Variants in ZNF496 observed in about 807,000 individuals in gnomAD.
ZNF496 encodes the protein zinc finger protein 496, also known as NSD1 (nuclear receptor binding SET-domain containing 1)-interacting zinc finger protein 1.
A neutral mutation model predicts 58.9 loss-of-function variants in ZNF496; 11 were observed. The observed-to-expected ratio is 0.19, with a 90% CI of 0.12 to 0.31. The LOEUF (loss-of-function observed/expected upper bound fraction) is 0.31, where lower values mean the gene tolerates loss of function less well. Ranked by LOEUF, ZNF496 falls within the 10% of genes least tolerant of loss-of-function variation. ZNF496 has a pLI of 1.00. For synonymous variants in ZNF496, 338 were observed against 318.2 expected (o/e 1.06, Z -0.66); for missense variants, 660 against 783.0 (o/e 0.84, Z 1.88).
At position 247,331,834 on chromosome 1, in the gene ZNF496, CGCGGGA is replaced by C. The variant is rs951261425; in HGVS notation, c.-420_-415del. ...TGGCGGGCGGCGCAGGCCTGGCCGC[CGCGGGA>C]GCCCGCCGGACGCCGAGGAAAGGAA... On this transcript the variant is annotated 5_prime_UTR_variant, in exon 1 of 10. Transcript: ENST00000682384. The C allele has an allele frequency of 1.2e-4, 18 of 148,744 alleles. No homozygotes were observed. Among genetic ancestry groups the C allele is most frequent in the Non-Finnish European group, 2.4e-4 (16 of 66,792 alleles). The allele number at this position is 148,744 out of a possible 1,614,324, so 9.2% of individuals were successfully genotyped here. A position where few individuals can be genotyped will look rare whatever the true frequency, so the allele number is the denominator to read the frequency against.
intron 7 of ZNF496, chr1:247,310,033 A>T (rs1294513961): frequency 2.8e-6 from 4 of 1,428,258 alleles, no homozygotes; most frequent in Non-Finnish European, 3.6e-6. Flanking sequence ...TAAAGCAGAC[A>T]TAAAGGGACA....
intron 9 of ZNF496, chr1:247,303,934 G>C (rs1217915437): frequency 9.4e-6 from 2 of 212,848 alleles, no homozygotes; most frequent in South Asian, 5.0e-5. Flanking sequence ...GCCAGGAACA[G>C]AGATGAGGTT....
chr1:247,304,639 TG>T (rs1572071239), intron 9 of ZNF496, among the ~76,000 whole-genome samples: 1 of 152,140 alleles, frequency 6.6e-6, no homozygotes, highest in East Asian at 1.9e-4. Context: ...CCCAAAGTGC[TG>T]GGATTATAGG....
At chr1:247,328,908 T>C (rs1460543722) in intron 4 of ZNF496, 42 bp from the exon 5 acceptor site, 1 of 1,544,846 alleles carries the variant, frequency 6.5e-7, no homozygotes, top group Non-Finnish European at 8.7e-7. Flanking sequence ...GGGGAAGAGG[T>C]CCCATCTCTC....
intron 5 of ZNF496, among the ~76,000 whole-genome samples, chr1:247,328,083 G>A (rs1660195670): frequency 1.3e-5 from 2 of 152,148 alleles, no homozygotes; most frequent in African/African-American, 4.8e-5. Context: ...CATGCCTCAG[G>A]TCATAACCAG....
intron 6 of ZNF496, among the ~76,000 whole-genome samples, chr1:247,315,292 T>G (rs910154457): frequency 6.6e-5 from 10 of 152,068 alleles, no homozygotes; most frequent in Non-Finnish European, 1.3e-4. Flanking sequence ...CACAGCCCAG[T>G]GTGGTTCTCC....
At chr1:247,325,270 G>A (rs1024409052) in intron 5 of ZNF496, among the ~76,000 whole-genome samples, 1 of 152,204 alleles carries the variant, frequency 6.6e-6, no homozygotes, top group East Asian at 1.9e-4. Flanking sequence ...GTGTCTGAAG[G>A]GGAAGCTCAG....
chr1:247,303,024 T>C (rs1230793621), intron 9 of ZNF496, among the ~76,000 whole-genome samples: 2 of 152,158 alleles, frequency 1.3e-5, no homozygotes, highest in Non-Finnish European at 2.9e-5. Context: ...ATGGGCGAAA[T>C]TGTGTCCCCC....
In ZNF496 at chr1:247,308,569, T is replaced by A. The variant is rs1659490985; in HGVS notation, c.912A>T (p.Pro304=). 1 of 1,613,934 alleles carries A rather than the reference T, an allele frequency of 6.2e-7. No individual in the cohort carries two copies. The highest frequency in any genetic ancestry group is 2.2e-5 in the East Asian group (1 of 44,874). Residue 304 remains proline, a synonymous_variant, in exon 9 of 10, where the codon CCA becomes CCT. Coordinates refer to ENST00000682384, the MANE Select transcript of ZNF496 (RefSeq NM_032752.3). This position sits in a 1 kb window ranked among gnomAD's most constrained non-coding sequence, Gnocchi z 4.5. ...GTTTCCTTCTTTCTTCTACCTGGAATGGCTGGAGACTTGGAGAGTCTTTCC... is the reference window on the plus strand; with the variant it reads ...GTTTCCTTCTTTCTTCTACCTGGAAAGGCTGGAGACTTGGAGAGTCTTTCC... ...VSYLDSPSLQ[P]FQVEERRKRE...
At chr1:247,303,749 G>A (rs371508848) in intron 9 of ZNF496, among the ~76,000 whole-genome samples, 2 of 152,118 alleles carry the variant, frequency 1.3e-5, no homozygotes, top group East Asian at 3.9e-4. Flanking sequence ...AACTGAAGAA[G>A]GAATTGTTGT....
intron 6 of ZNF496, chr1:247,312,733 CAA>C (rs35362670): frequency 1.8e-3 from 224 of 127,396 alleles, no homozygotes; most frequent in Middle Eastern, 8.1e-3. Flanking sequence ...GACTCCATCT[CAA>C]AAAAAAAAAA....
chr1:247,302,026 G>A (rs1001129728), intron 9 of ZNF496, among the ~76,000 whole-genome samples: 4 of 152,226 alleles, frequency 2.6e-5, no homozygotes, highest in Non-Finnish European at 4.4e-5. Context: ...GTGATGTTGG[G>A]AAGGTGGAAC....
intron 5 of ZNF496, among the ~76,000 whole-genome samples, chr1:247,325,318 T>C (rs1660086931): frequency 6.6e-6 from 1 of 152,250 alleles, no homozygotes; most frequent in African/African-American, 2.4e-5. Flanking sequence ...GGTATTTTTC[T>C]GTGTGTATGT....
In ZNF496 at chr1:247,328,848, G is replaced by A; in HGVS notation, c.409C>T (p.Pro137Ser). Reference sequence around the variant, plus strand: ...CTGTCCCCATCATCAATCACCACAGGGTCTTCACAGTGCTTGAGCTGCAAT... The same window carrying A: ...CTGTCCCCATCATCAATCACCACAGAGTCTTCACAGTGCTTGAGCTGCAAT... ...PWQWLKHCEDPVVIDDGDSPL... is the reference protein window; with the variant it reads ...PWQWLKHCEDSVVIDDGDSPL... Residue 137 changes from proline (P) to serine (S), a missense_variant, in exon 5 of 10, where the codon CCT (proline) becomes TCT (serine). Coordinates refer to ENST00000682384, the MANE Select transcript of ZNF496 (RefSeq NM_032752.3). The A allele has an allele frequency of 1.3e-6, 2 of 1,599,562 alleles. No homozygotes were observed. The highest frequency in any genetic ancestry group is 1.7e-6 in the Non-Finnish European group (2 of 1,173,736).
At chr1:247,304,048 C>T in intron 9 of ZNF496, 1 of 439,810 alleles carries the variant, frequency 2.3e-6, no homozygotes, top group South Asian at 1.6e-5. Context: ...AGAAACACTG[C>T]CAGCTGGAAC....
intron 9 of ZNF496, among the ~76,000 whole-genome samples, chr1:247,305,192 T>A (rs1270589174): frequency 6.6e-6 from 1 of 152,166 alleles, no homozygotes; most frequent in Non-Finnish European, 1.5e-5. Flanking sequence ...GGAAAATTGC[T>A]GGAACACGGG....
At position 247,331,535 on chromosome 1, in the gene ZNF496, T is replaced by A. The variant is rs1312635294; in HGVS notation, c.-257A>T. The stretch of plus-strand genomic sequence containing the variant: ...TCCTCCCAGCCCGCCCGGCCGGGCG[T>A]ACTCGCTGAGGCGGGGTCTCCGCAG... On this transcript the variant is annotated 5_prime_UTR_variant, in exon 2 of 10. Coordinates refer to ENST00000682384, the MANE Select transcript of ZNF496 (RefSeq NM_032752.3). 2.6e-5 allele frequency: 4 copies of A among 151,848 alleles called. No individual in the cohort carries two copies. The highest frequency in any genetic ancestry group is 2.4e-5 in the African/African-American group (1 of 41,320). The allele number at this position is 151,848 out of a possible 1,614,324, so 9.4% of individuals were successfully genotyped here. A position where few individuals can be genotyped will look rare whatever the true frequency, so the allele number is the denominator to read the frequency against.
At position 247,301,142 on chromosome 1, in the gene ZNF496, TCTCTGTGGGGCTCCCCAG is replaced by T; in HGVS notation, c.1123_1140del (p.Leu375_Glu380del). On this transcript the variant is annotated inframe_deletion, in exon 10 of 10. Coordinates refer to ENST00000682384, the MANE Select transcript of ZNF496 (RefSeq NM_032752.3). ...TGGGAGGCGGGGAGGCTGCGCTGCTTCTCTGTGGGGCTCCCCAGCTCTTCTGTGCAGTACGGGCCATGC... is the reference window on the plus strand; with the variant it reads ...TGGGAGGCGGGGAGGCTGCGCTGCTTCTCTTCTGTGCAGTACGGGCCATGC... 1 of 1,613,476 alleles carries T rather than the reference TCTCTGTGGGGCTCCCCAG, an allele frequency of 6.2e-7. No individual in the cohort carries two copies. Among genetic ancestry groups the T allele is most frequent in the Non-Finnish European group, 8.5e-7 (1 of 1,179,828 alleles).
Position 247,329,560 on chromosome 1 carries a change from G to T in ZNF496, c.19C>A (p.Pro7Thr). 1 of 1,562,400 alleles carries T rather than the reference G, an allele frequency of 6.4e-7. No homozygotes were observed. ...CTTTCCTTCGGAGCCAAGACTCGGG[G>T]GCACAGGGCTGTGGGCATGATGGGA... The part of the protein sequence containing the change: MPTALC[P>T]RVLAPKESEE... The change falls in exon 4 of 10, where the codon CCC becomes ACC. Residue 7 changes from proline (P) to threonine (T), a missense_variant. By Grantham distance (38) the Pro-to-Thr change is conservative. Transcript: ENST00000682384. This position sits in a 1 kb window ranked among gnomAD's most constrained non-coding sequence, Gnocchi z 5.5.
Sources: allele counts gnomAD v4.1 joint callset (sites outside exome capture counted in the v4.1 genomes callset), GRCh38; gene constraint gnomAD v4.1.1; non-coding constraint Gnocchi (gnomAD v3.1); transcripts MANE v1.5; gene names NCBI Gene and HGNC (gene_info 2026-07-23, HGNC 2026-07-21).